MECOM: variants seen among roughly 807,000 people sequenced by gnomAD.
The protein encoded by MECOM is MDS1 and EVI1 complex locus.
Under a neutral mutation model 116.3 loss-of-function variants are expected in MECOM, and 13 were observed. The observed-to-expected ratio is 0.11, with a 90% confidence interval of 0.07 to 0.18. The LOEUF is 0.18. Among genes scored for constraint, MECOM ranks in the 10% least tolerant of loss-of-function variants. The pLI is 1.00. For synonymous variants in MECOM, 528 were observed against 535.2 expected (o/e 0.99, Z 0.19); for missense variants, 1,299 against 1,509.0 (o/e 0.86, Z 2.31).
At chr3:169,401,037 G>A (rs1735809564) in intron 1 of MECOM, among the ~76,000 whole-genome samples, 3 of 152,178 alleles carry the variant, frequency 2.0e-5, no homozygotes, top group Admixed American at 1.3e-4. Context: ...TCAAGCGACT[G>A]CCTGTTTGCT....
chr3:169,324,917 A>G (rs1009349373), intron 2 of MECOM, among the ~76,000 whole-genome samples: 5 of 152,086 alleles, frequency 3.3e-5, no homozygotes, highest in African/African-American at 1.2e-4. Flanking sequence ...CATCTCAGCA[A>G]AATCAAATCA....
intron 1 of MECOM, among the ~76,000 whole-genome samples, chr3:169,511,914 A>G (rs1560375530): frequency 1.3e-5 from 2 of 152,200 alleles, no homozygotes; most frequent in South Asian, 2.1e-4. Context: ...TTTTCATCTT[A>G]TAAGTTCCTG....
chr3:169,381,960 G>A (rs1229159764), intron 1 of MECOM, among the ~76,000 whole-genome samples: 1 of 152,174 alleles, frequency 6.6e-6, no homozygotes, highest in East Asian at 1.9e-4. Context: ...AAACATAGGA[G>A]AGTCATCAAA....
chr3:169,484,124 A>G, intron 1 of MECOM: 1 of 774,650 alleles, frequency 1.3e-6, no homozygotes, highest in Non-Finnish European at 2.1e-6. Flanking sequence ...TCTAGTAAAC[A>G]AAAAGTGATT....
chr3:169,472,643 G>A (rs200090779), intron 1 of MECOM, among the ~76,000 whole-genome samples: 2,426 of 62,462 alleles, frequency 0.039, 318 homozygotes, highest in African/African-American at 0.089. Flanking sequence ...AAAAGGAAAG[G>A]AAAGGAAAAG....
intron 2 of MECOM, chr3:169,147,068 T>C: frequency 1.0e-6 from 1 of 989,632 alleles, no homozygotes. Context: ...TTTTTCCCCC[T>C]TCCTAAATGA....
At chr3:169,501,168 G>A (rs1413279617) in intron 1 of MECOM, among the ~76,000 whole-genome samples, 1 of 151,872 alleles carries the variant, frequency 6.6e-6, no homozygotes, top group Non-Finnish European at 1.5e-5. Context: ...ACTATAACAG[G>A]GTAACTATAA....
chr3:169,442,592 A>G (rs1743917705), intron 1 of MECOM, among the ~76,000 whole-genome samples: 1 of 152,214 alleles, frequency 6.6e-6, no homozygotes, highest in Admixed American at 6.5e-5. Context: ...TCAAAGAATC[A>G]TATATTAAGG....
chr3:169,379,550 A>C (rs935243688), intron 2 of MECOM, among the ~76,000 whole-genome samples: 1 of 152,106 alleles, frequency 6.6e-6, no homozygotes, highest in Non-Finnish European at 1.5e-5. Context: ...GAAAAAAATA[A>C]TTATTTTTGA....
chr3:169,111,864 C>G (rs1193963079), intron 9 of MECOM, among the ~76,000 whole-genome samples: 1 of 151,956 alleles, frequency 6.6e-6, no homozygotes, highest in African/African-American at 2.4e-5. Context: ...ATTTAATTAC[C>G]TCATAGCTTT....
chr3:169,331,163 G>T (rs565554425), intron 2 of MECOM, among the ~76,000 whole-genome samples: 1 of 151,930 alleles, frequency 6.6e-6, no homozygotes, highest in African/African-American at 2.4e-5. Flanking sequence ...CCAAGATATA[G>T]ATATTAATCT....
At chr3:169,364,879 A>G (rs1358990806) in intron 2 of MECOM, among the ~76,000 whole-genome samples, 1 of 152,040 alleles carries the variant, frequency 6.6e-6, no homozygotes, top group African/African-American at 2.4e-5. Context: ...AATGGCATCT[A>G]CCGTATTTAA....
chr3:169,312,365 ATT>A (rs367932449), intron 2 of MECOM, among the ~76,000 whole-genome samples: 23 of 118,442 alleles, frequency 1.9e-4, no homozygotes, highest in East Asian at 4.9e-4. Flanking sequence ...AATGACTGCA[ATT>A]TTTTTTTTTT....
At chr3:169,410,772 T>A (rs1737438700) in intron 1 of MECOM, among the ~76,000 whole-genome samples, 2 of 152,100 alleles carry the variant, frequency 1.3e-5, no homozygotes, top group African/African-American at 4.8e-5. Flanking sequence ...TCTGCTTGGA[T>A]TATTTAGATT....
At chr3:169,456,296 T>C (rs1746482430) in intron 1 of MECOM, among the ~76,000 whole-genome samples, 1 of 152,110 alleles carries the variant, frequency 6.6e-6, no homozygotes, top group South Asian at 2.1e-4. Flanking sequence ...CATTGTACAA[T>C]ATAGAGATGG....
intron 2 of MECOM, among the ~76,000 whole-genome samples, chr3:169,351,108 G>A (rs1412454312): frequency 6.6e-6 from 1 of 151,546 alleles, no homozygotes; most frequent in Non-Finnish European, 1.5e-5. Context: ...TCTTTACAAT[G>A]TTTATATTTT....
chr3:169,522,399 T>C (rs1757457683), intron 1 of MECOM, among the ~76,000 whole-genome samples: 1 of 152,118 alleles, frequency 6.6e-6, no homozygotes, highest in Admixed American at 6.6e-5. Flanking sequence ...GCATGTGGAG[T>C]TAATATGAAT....
At chr3:169,349,216 G>A (rs868834612) in intron 2 of MECOM, among the ~76,000 whole-genome samples, 4 of 151,738 alleles carry the variant, frequency 2.6e-5, no homozygotes, top group Admixed American at 6.6e-5. Flanking sequence ...TTTCCTGTTC[G>A]TAGGTTAGAC....
chr3:169,445,814 C>T (rs192127042), intron 1 of MECOM, among the ~76,000 whole-genome samples: 1 of 152,216 alleles, frequency 6.6e-6, no homozygotes, highest in Non-Finnish European at 1.5e-5. Context: ...CCATGGGAAC[C>T]CCCTCTTGCA....
Sources: allele counts gnomAD v4.1 joint callset (sites outside exome capture counted in the v4.1 genomes callset), GRCh38; gene constraint gnomAD v4.1.1; transcripts MANE v1.5; gene names NCBI Gene and HGNC (gene_info 2026-07-23, HGNC 2026-07-21).